The following PFKFB2 variants were observed in gnomAD, a reference collection of about 807,000 sequenced individuals.
PFKFB2 encodes the protein 6-phosphofructo-2-kinase/fructose-2,6-biphosphatase 2.
Under a neutral mutation model 68.0 loss-of-function variants are expected in PFKFB2, and 53 were observed. The ratio of observed to expected loss-of-function variants is 0.78; its 90% CI spans 0.63 to 0.98. The LOEUF is 0.98. Ranked by LOEUF, PFKFB2 falls within the 50% of genes least tolerant of loss-of-function variation. The pLI is 0.00. For missense variants in PFKFB2, 451 were observed against 642.0 expected (o/e 0.70, Z 3.22); for synonymous variants, 222 against 227.6 (o/e 0.98, Z 0.22).
At position 207,073,047 on chromosome 1, in the gene PFKFB2, A is replaced by AAGGGCCAGC. The variant is rs1317092917; in HGVS notation, c.*677_*685dup. On this transcript the variant is annotated 3_prime_UTR_variant, in exon 15 of 15. Transcript: ENST00000367080. Reference sequence around the variant, plus strand: ...CCCTTCCTCTCCAGCCAGGTCCTGTAAGGGCCAGCCCAGACTACAGGACAT... The same window carrying AAGGGCCAGC: ...CCCTTCCTCTCCAGCCAGGTCCTGTAAGGGCCAGCAGGGCCAGCCCAGACTACAGGACAT... 1.0e-6 allele frequency: 1 copy of AAGGGCCAGC among 985,392 alleles called. No individual in the cohort carries two copies. Among genetic ancestry groups the AAGGGCCAGC allele is most frequent in the East Asian group, 1.1e-4 (1 of 8,828 alleles). 61.0% of individuals were successfully genotyped at this position (985,392 alleles called of 1,614,324 possible).
intron 2 of PFKFB2, chr1:207,046,747 T>C (rs564391006): frequency 7.2e-5 from 11 of 152,248 alleles, no homozygotes; most frequent in African/African-American, 2.4e-4. Context: ...CAGTGTTCTA[T>C]TCCTTTCCAT....
intron 2 of PFKFB2, among the ~76,000 whole-genome samples, chr1:207,056,027 G>A (rs995283865): frequency 1.3e-5 from 2 of 152,150 alleles, no homozygotes; most frequent in Admixed American, 6.5e-5. Flanking sequence ...TGAATCCCGG[G>A]TTTATGACTT....
At chr1:207,052,311 C>T (rs182467663), upstream of PFKFB2, 82 of 1,260,232 alleles carry the variant, frequency 6.5e-5, 1 homozygote, top group African/African-American at 5.7e-4. Flanking sequence ...ACGACTGCAA[C>T]GGATGATACA....
intron 7 of PFKFB2, among the ~76,000 whole-genome samples, chr1:207,064,318 G>C (rs186935958): frequency 1.3e-5 from 2 of 151,924 alleles, no homozygotes; most frequent in East Asian, 3.9e-4. Context: ...GTGACAGAGT[G>C]AGAACATGTC....
rs779957583 is a variant in PFKFB2 at position 207,076,521 on chromosome 1, G to A, written c.*4150G>A. 4 of 972,816 alleles carry A rather than the reference G, an allele frequency of 4.1e-6. No individual in the cohort carries two copies. Among genetic ancestry groups the A allele is most frequent in the Middle Eastern group, 5.3e-4 (1 of 1,900 alleles). 60.3% of individuals were successfully genotyped at this position (972,816 alleles called of 1,614,324 possible). ...TGAGTCGGGTTGCAGCACTGGTGGG[G>A]TAGAATCGACTTTCCCTGAAGGTGA... On this transcript the variant is annotated 3_prime_UTR_variant, in exon 15 of 15. Transcript: ENST00000367080.
At chr1:207,035,299 C>G (rs1194246259) in intron 1 of PFKFB2, 2 of 554,340 alleles carry the variant, frequency 3.6e-6, no homozygotes, top group Non-Finnish European at 2.3e-6. Context: ...AGTGCACATG[C>G]AAGGTGTGTT....
At position 207,070,882 on chromosome 1, in the gene PFKFB2, C is replaced by A; in HGVS notation, c.1223-306C>A. On this transcript the variant is annotated intron_variant, in intron 12 of 14. Coordinates refer to ENST00000367080, the MANE Select transcript of PFKFB2 (RefSeq NM_006212.2). This position sits in a 1 kb window ranked among gnomAD's most constrained non-coding sequence, Gnocchi z 4.2. ...CTCAGCATCCTGAGCTGCTTGGAAGCTGTTGTGGTCAGACCTTATTGGCCT... is the reference window on the plus strand; with the variant it reads ...CTCAGCATCCTGAGCTGCTTGGAAGATGTTGTGGTCAGACCTTATTGGCCT... The A allele has an allele frequency of 3.1e-6, 1 of 321,266 alleles. No individual in the cohort carries two copies. Among genetic ancestry groups the A allele is most frequent in the East Asian group, 7.2e-5 (1 of 13,862 alleles). The allele number at this position is 321,266 out of a possible 1,614,324, so 19.9% of individuals were successfully genotyped here.
At chr1:207,035,070 C>G in intron 1 of PFKFB2, 1 of 745,704 alleles carries the variant, frequency 1.3e-6, no homozygotes, top group Non-Finnish European at 1.6e-6. Context: ...TATAGGTCAT[C>G]ATTTGAGGGG....
rs1683497466 is a variant in PFKFB2, at chr1:207,072,578, C to T, written c.*207C>T. 1 of 1,337,604 alleles carries T rather than the reference C, an allele frequency of 7.5e-7. No homozygotes were observed. Among genetic ancestry groups the T allele is most frequent in the Non-Finnish European group, 9.6e-7 (1 of 1,046,140 alleles). 82.9% of individuals were successfully genotyped at this position (1,337,604 alleles called of 1,614,324 possible). A position where few individuals can be genotyped will look rare whatever the true frequency, so the allele number is the denominator to read the frequency against. ...TGTTCTTCAGTTTGAAACATCTTTT[C>T]ACCCAGGGGCAAGTTAGCAAATTGA... On this transcript the variant is annotated 3_prime_UTR_variant, in exon 15 of 15. Transcript: ENST00000367080.
chr1:207,039,990 C>T (rs1682446992), intron 1 of PFKFB2, among the ~76,000 whole-genome samples: 1 of 152,154 alleles, frequency 6.6e-6, no homozygotes, highest in Admixed American at 6.5e-5. Context: ...AGTTCAGGGT[C>T]CACCAATTAA....
In PFKFB2 at chr1:207,070,917, C is replaced by G. The variant is rs1470781055; in HGVS notation, c.1223-271C>G. Among the ~76,000 whole-genome samples, 2 of 152,056 alleles carry G rather than the reference C, an allele frequency of 1.3e-5. No individual in the cohort carries two copies. Among genetic ancestry groups the G allele is most frequent in the African/African-American group, 4.8e-5 (2 of 41,384 alleles). ...CAGACCTTATTGGCCTTTGCTGTAC[C>G]CAGGTGACCCCCTTCCATTGGGCTC... On this transcript the variant is annotated intron_variant, in intron 12 of 14. Transcript: ENST00000367080. This position sits in a 1 kb window ranked among gnomAD's most constrained non-coding sequence, Gnocchi z 4.2.
upstream of PFKFB2, chr1:207,048,977 G>T: frequency 6.4e-7 from 1 of 1,552,246 alleles, no homozygotes; most frequent in South Asian, 1.2e-5. Context: ...AGAGCCTTCT[G>T]GATGTGTGAG....
intron 3 of PFKFB2, 54 bp from the exon 4 acceptor site, chr1:207,062,566 T>C: frequency 1.3e-6 from 2 of 1,592,438 alleles, no homozygotes; most frequent in African/African-American, 1.3e-5. Flanking sequence ...CAAGTCCCAT[T>C]TGGTGGGGCC....
At chr1:207,034,457 T>C (rs1303882997) in exon 1 of PFKFB2, 1 of 152,372 alleles carries the variant, frequency 6.6e-6, no homozygotes, top group East Asian at 1.9e-4. Flanking sequence ...TCAATGAAGT[T>C]GATCCAGCTC....
downstream of PFKFB2, chr1:207,080,172 T>G (rs956639576): frequency 6.6e-6 from 1 of 152,240 alleles, no homozygotes; most frequent in Non-Finnish European, 1.5e-5. Flanking sequence ...GACATGTCAC[T>G]GTTACTGAAG....
chr1:207,037,109 C>T (rs1336348980), intron 1 of PFKFB2, among the ~76,000 whole-genome samples: 1 of 152,174 alleles, frequency 6.6e-6, no homozygotes, highest in Non-Finnish European at 1.5e-5. Flanking sequence ...GCTACTTTCT[C>T]CTTGACTCCC....
At chr1:207,047,513 ATACT>A (rs1031867772) in intron 2 of PFKFB2, 5 of 152,640 alleles carry the variant, frequency 3.3e-5, no homozygotes, top group African/African-American at 9.6e-5. Context: ...TCTAAGTGAG[ATACT>A]TAATAAAAAA....
Position 207,063,685 on chromosome 1 carries a change from G to A in PFKFB2, c.451-88G>A. ...CATGAAGAAAATCCTGGGAGATGTG[G>A]TGGCTGGGTGGGGTAGATGAGCATG... On this transcript the variant is annotated intron_variant, in intron 6 of 14. Transcript: ENST00000367080. This position sits in a 1 kb window ranked among gnomAD's most constrained non-coding sequence, Gnocchi z 4.1. The A allele has an allele frequency of 9.2e-7, 1 of 1,081,642 alleles. No homozygotes were observed. Among genetic ancestry groups the A allele is most frequent in the East Asian group, 2.4e-5 (1 of 42,458 alleles). 67.0% of individuals were successfully genotyped at this position (1,081,642 alleles called of 1,614,324 possible).
At chr1:207,054,258 T>A (rs2629662) in intron 1 of PFKFB2, among the ~76,000 whole-genome samples, 10,845 of 152,126 alleles carry the variant, frequency 0.071, 1,280 homozygotes, top group African/African-American at 0.24. Context: ...CCTGGTAATG[T>A]ACTTCGTCTA....
Sources: allele counts gnomAD v4.1 joint callset (sites outside exome capture counted in the v4.1 genomes callset), GRCh38; gene constraint gnomAD v4.1.1; non-coding constraint Gnocchi (gnomAD v3.1); transcripts MANE v1.5; gene names NCBI Gene and HGNC (gene_info 2026-07-23, HGNC 2026-07-21).